Variants in FRS2 observed in about 807,000 individuals in gnomAD.
FRS2 encodes the protein FGFR signalling adaptor.
In FRS2, 8 loss-of-function variants were observed where a neutral mutation model predicts 43.9. The ratio of observed to expected loss-of-function variants is 0.18; its 90% CI spans 0.11 to 0.33. The LOEUF is 0.33. Among genes scored for constraint, FRS2 ranks in the 10% least tolerant of loss-of-function variants. The pLI is 1.00. For synonymous variants in FRS2, 219 were observed against 220.3 expected, an observed-to-expected ratio of 0.99 and a Z score of 0.05; for missense variants, 534 against 627.6, an observed-to-expected ratio of 0.85 and a Z score of 1.59.
chr12:69,525,780 T>C (rs757257222), intron 1 of FRS2, among the ~76,000 whole-genome samples: 1 of 152,172 alleles, frequency 6.6e-6, no homozygotes, highest in Admixed American at 6.5e-5. Context: ...TGGTTTTTGC[T>C]GATAATTTCC....
chr12:69,498,156 G>A (rs865984279), intron 1 of FRS2, among the ~76,000 whole-genome samples: 128 of 152,078 alleles, frequency 8.4e-4, no homozygotes, highest in African/African-American at 2.8e-3. Context: ...TGTATTTTTA[G>A]GATTACAAAG....
chr12:69,537,337 A>T (rs1877413712), intron 3 of FRS2, among the ~76,000 whole-genome samples: 1 of 150,036 alleles, frequency 6.7e-6, no homozygotes, highest in Non-Finnish European at 1.5e-5. Context: ...TTCTATGATA[A>T]TTTTTTTTTT....
intron 1 of FRS2, among the ~76,000 whole-genome samples, chr12:69,512,519 G>A (rs1385850678): frequency 6.6e-6 from 1 of 152,080 alleles, no homozygotes; most frequent in East Asian, 1.9e-4. Context: ...TTTTTTCTAA[G>A]GGATTGTGGT....
rs1364332608 is a variant in FRS2, at chr12:69,576,587, G to A, written c.*1632G>A. On this transcript the variant is annotated 3_prime_UTR_variant, in exon 9 of 9. Coordinates refer to ENST00000549921, the MANE Select transcript of FRS2 (RefSeq NM_001278356.2). Reference sequence around the variant, plus strand: ...GATATAACTAAGGTTAATTTAGCATGAAAAAGTTTTAGTCATATTGGCATC... The same window carrying A: ...GATATAACTAAGGTTAATTTAGCATAAAAAAGTTTTAGTCATATTGGCATC... 1 of 152,142 alleles carries A rather than the reference G, an allele frequency of 6.6e-6. No individual in the cohort carries two copies. The highest frequency in any genetic ancestry group is 2.4e-5 in the African/African-American group (1 of 41,438). The allele number at this position is 152,142 out of a possible 1,614,324, so 9.4% of individuals were successfully genotyped here.
At chr12:69,530,386 A>C (rs935009144) in intron 1 of FRS2, among the ~76,000 whole-genome samples, 1 of 151,762 alleles carries the variant, frequency 6.6e-6, no homozygotes, top group Non-Finnish European at 1.5e-5. Context: ...CCAGTTTTCT[A>C]TCTCTCCCAC....
At chr12:69,505,684 A>G (rs995485550) in intron 1 of FRS2, among the ~76,000 whole-genome samples, 13 of 152,240 alleles carry the variant, frequency 8.5e-5, no homozygotes, top group Non-Finnish European at 1.5e-5. Flanking sequence ...AAAATATCCT[A>G]GGGCTGAGAA....
intron 8 of FRS2, among the ~76,000 whole-genome samples, chr12:69,573,285 A>G (rs1003686274): frequency 2.0e-5 from 3 of 152,208 alleles, no homozygotes; most frequent in East Asian, 1.9e-4. Context: ...CATTCAGATC[A>G]TCAGTAAATA....
intron 1 of FRS2, among the ~76,000 whole-genome samples, chr12:69,507,457 A>G (rs1168652884): frequency 6.6e-6 from 1 of 152,210 alleles, no homozygotes; most frequent in Non-Finnish European, 1.5e-5. Flanking sequence ...TAGTTGACAC[A>G]TGAAATCCAG....
At chr12:69,509,210 C>T (rs189769075) in intron 1 of FRS2, among the ~76,000 whole-genome samples, 33 of 152,024 alleles carry the variant, frequency 2.2e-4, no homozygotes, top group East Asian at 1.9e-3. Flanking sequence ...TCAGTTGTGA[C>T]TTGTGTTCCT....
chr12:69,536,252 G>C (rs545962604), intron 3 of FRS2, among the ~76,000 whole-genome samples: 1 of 151,058 alleles, frequency 6.6e-6, no homozygotes, highest in Non-Finnish European at 1.5e-5. Context: ...AACCTTCTGA[G>C]TAGCTGGGAT....
intron 1 of FRS2, among the ~76,000 whole-genome samples, chr12:69,481,551 T>C (rs543616126): frequency 1.2e-4 from 18 of 152,130 alleles, no homozygotes; most frequent in Non-Finnish European, 2.1e-4. Flanking sequence ...CCTCCCAAAG[T>C]GCTGGAATTA....
chr12:69,529,389 T>G lies in FRS2; in HGVS notation c.-260-1476T>G, dbSNP rs1360059758. 5.9e-5 allele frequency among the ~76,000 whole-genome samples: 9 copies of G among 152,262 alleles called. No individual in the cohort carries two copies. In the East Asian group the frequency reaches 1.7e-3, roughly 29 times the overall value. Reference sequence around the variant, plus strand: ...CTGTAATCCCAGCACTTTGGGAAGCTGAGGCAGGTGGATCACTTGAAGCCA... The same window carrying G: ...CTGTAATCCCAGCACTTTGGGAAGCGGAGGCAGGTGGATCACTTGAAGCCA... On this transcript the variant is annotated intron_variant, in intron 1 of 8. Transcript: ENST00000549921.
intron 3 of FRS2, among the ~76,000 whole-genome samples, chr12:69,540,024 C>T (rs957452654): frequency 3.3e-5 from 5 of 151,648 alleles, no homozygotes; most frequent in Non-Finnish European, 7.4e-5. Flanking sequence ...GAGGCCGAGG[C>T]GGGTGGATCA....
intron 4 of FRS2, 117 bp downstream of exon 4, chr12:69,562,391 T>C (rs1470285703): frequency 7.7e-6 from 3 of 387,764 alleles, no homozygotes; most frequent in Non-Finnish European, 1.4e-5. Context: ...TTCTAACTCT[T>C]GAGCTCAAGC....
At chr12:69,488,445 G>T (rs773147849) in intron 1 of FRS2, among the ~76,000 whole-genome samples, 4 of 152,088 alleles carry the variant, frequency 2.6e-5, no homozygotes, top group Admixed American at 2.6e-4. Context: ...AGGTATGTGC[G>T]TTTTTTTAAA....
chr12:69,485,180 T>C (rs879458700), intron 1 of FRS2, among the ~76,000 whole-genome samples: 353 of 150,720 alleles, frequency 2.3e-3, no homozygotes, highest in Middle Eastern at 6.8e-3. Context: ...TACTTATTTA[T>C]TTATTTATTT....
chr12:69,508,082 A>G (rs1874118445), intron 1 of FRS2, among the ~76,000 whole-genome samples: 1 of 148,912 alleles, frequency 6.7e-6, no homozygotes, highest in Non-Finnish European at 1.5e-5. Flanking sequence ...GTTCTTGCAG[A>G]TAAGATAATA....
At chr12:69,492,597 A>G (rs1265915547) in intron 1 of FRS2, among the ~76,000 whole-genome samples, 1 of 152,228 alleles carries the variant, frequency 6.6e-6, no homozygotes, top group Non-Finnish European at 1.5e-5. Flanking sequence ...TTTGGGGGGC[A>G]AGCGAGTGGT....
At chr12:69,516,279 C>T (rs185675868) in intron 1 of FRS2, among the ~76,000 whole-genome samples, 1,857 of 150,810 alleles carry the variant, frequency 0.012, 120 homozygotes, top group Admixed American at 0.11. Context: ...CGTGCAATGG[C>T]GCGATCTCGG....
Sources: gnomAD v4.1 joint callset for allele counts (sites outside exome capture counted in the v4.1 genomes callset) on GRCh38, gnomAD v4.1.1 for gene constraint, MANE v1.5 for transcripts, NCBI Gene and HGNC (gene_info 2026-07-23, HGNC 2026-07-21) for gene names.